The following USP15 variants were observed in gnomAD, a reference collection of about 807,000 sequenced individuals.
USP15 encodes ubiquitin carboxyl-terminal hydrolase 15.
In USP15, 18 loss-of-function variants were observed where a neutral mutation model predicts 127.1. The ratio of observed to expected loss-of-function variants is 0.14; its 90% CI spans 0.10 to 0.21. USP15 has a LOEUF of 0.21. Ranked by LOEUF, USP15 falls within the 10% of genes least tolerant of loss-of-function variation. The probability of loss-of-function intolerance (pLI) is 1.00; values close to 1 mark genes in which losing one functional copy is unlikely to be tolerated. For missense variants in USP15, 805 were observed against 1,159.9 expected (o/e 0.69, Z 4.44); for synonymous variants, 364 against 393.7 (o/e 0.92, Z 0.89).
chr12:62,261,390 T>A (rs1235009703), intron 1 of USP15, among the ~76,000 whole-genome samples: 2 of 152,204 alleles, frequency 1.3e-5, no homozygotes, highest in African/African-American at 4.8e-5. Context: ...TAATTTAAAA[T>A]TCCTTATTTT....
At chr12:62,401,298 GAGAACT>G in intron 21 of USP15, 23 bp downstream of exon 21, 1 of 1,565,502 alleles carries the variant, frequency 6.4e-7, no homozygotes, top group Non-Finnish European at 8.8e-7. Flanking sequence ...TATATTTCCT[GAGAACT>G]ATGGGATTCA....
intron 1 of USP15, among the ~76,000 whole-genome samples, chr12:62,271,551 G>T (rs1347276553): frequency 6.6e-6 from 1 of 151,762 alleles, no homozygotes; most frequent in Non-Finnish European, 1.5e-5. Context: ...ATTTTTCTTA[G>T]TTTTTTCTGT....
chr12:62,331,159 G>A (rs1167083477), intron 6 of USP15, among the ~76,000 whole-genome samples: 2 of 152,084 alleles, frequency 1.3e-5, no homozygotes, highest in Admixed American at 1.3e-4. Flanking sequence ...CACTAACCTG[G>A]AATTTGTCCA....
chr12:62,317,834 C>CTTCTGCCTTCAAATGTT (rs1278718099), intron 4 of USP15, among the ~76,000 whole-genome samples: 1 of 152,168 alleles, frequency 6.6e-6, no homozygotes, highest in Non-Finnish European at 1.5e-5. Context: ...GGGCCAAAAT[C>CTTCTGCCTTCAAATGTT]TTCTGCCTTC....
At chr12:62,321,946 T>C (rs1256137223) in intron 5 of USP15, among the ~76,000 whole-genome samples, 1 of 152,200 alleles carries the variant, frequency 6.6e-6, no homozygotes, top group Non-Finnish European at 1.5e-5. Context: ...ATTACAGTTC[T>C]CTGCAGGCCA....
At chr12:62,280,683 C>G (rs1371868762) in intron 1 of USP15, among the ~76,000 whole-genome samples, 1 of 152,102 alleles carries the variant, frequency 6.6e-6, no homozygotes, top group Non-Finnish European at 1.5e-5. Flanking sequence ...GGAGGAGACA[C>G]ACGCATTCAG....
chr12:62,282,177 A>C (rs1258978151), intron 1 of USP15, among the ~76,000 whole-genome samples: 1 of 152,110 alleles, frequency 6.6e-6, no homozygotes, highest in Non-Finnish European at 1.5e-5. Flanking sequence ...AAAATAAACA[A>C]AATTAGCTGA....
chr12:62,359,290 T>C (rs547553393), intron 8 of USP15, among the ~76,000 whole-genome samples: 1 of 150,184 alleles, frequency 6.7e-6, no homozygotes, highest in East Asian at 2.0e-4. Flanking sequence ...CAGATTAAGA[T>C]CACAGTTTAT....
intron 3 of USP15, chr12:62,314,195 A>C (rs1192160785): frequency 5.3e-6 from 1 of 190,148 alleles, no homozygotes. Flanking sequence ...GTAGGGTGAA[A>C]CTAACATATC....
chr12:62,287,928 A>G (rs1010477114), intron 1 of USP15, among the ~76,000 whole-genome samples: 1 of 152,058 alleles, frequency 6.6e-6, no homozygotes, highest in African/African-American at 2.4e-5. Flanking sequence ...TGGGCTCTCT[A>G]TTCTGTTCCA....
At chr12:62,272,430 T>G (rs1164692212) in intron 1 of USP15, among the ~76,000 whole-genome samples, 1 of 152,006 alleles carries the variant, frequency 6.6e-6, no homozygotes, top group Non-Finnish European at 1.5e-5. Flanking sequence ...ATCTGAAAAT[T>G]GTCAGCATAA....
intron 3 of USP15, among the ~76,000 whole-genome samples, chr12:62,306,280 ACT>A (rs2064481744): frequency 6.6e-6 from 1 of 152,196 alleles, no homozygotes; most frequent in Non-Finnish European, 1.5e-5. Context: ...GATAACTAAT[ACT>A]AATCATGGTA....
chr12:62,328,304 A>T (rs1431074686), intron 6 of USP15: 3 of 454,194 alleles, frequency 6.6e-6, no homozygotes, highest in Non-Finnish European at 1.3e-5. Flanking sequence ...TTTGTGGGCC[A>T]TATGGTCTCT....
chr12:62,320,811 G>A (rs1400143065), intron 4 of USP15, among the ~76,000 whole-genome samples: 2 of 151,820 alleles, frequency 1.3e-5, no homozygotes, highest in Admixed American at 1.3e-4. Context: ...AAAGTATTCT[G>A]TATTCATATA....
chr12:62,309,286 T>C (rs548234149), intron 3 of USP15, among the ~76,000 whole-genome samples: 1 of 152,234 alleles, frequency 6.6e-6, no homozygotes, highest in South Asian at 2.1e-4. Flanking sequence ...GAAAAGATTA[T>C]GTTTTGAACA....
intron 6 of USP15, chr12:62,327,605 G>A (rs1023809127): frequency 1.6e-5 from 7 of 428,166 alleles, no homozygotes; most frequent in South Asian, 3.3e-5. Flanking sequence ...TACTTAAAAT[G>A]ACTGATTTTT....
intron 3 of USP15, among the ~76,000 whole-genome samples, chr12:62,312,647 A>G (rs1026123878): frequency 2.0e-5 from 3 of 151,664 alleles, no homozygotes; most frequent in Admixed American, 1.3e-4. Context: ...CATTATAACT[A>G]TCATCTATAA....
intron 2 of USP15, among the ~76,000 whole-genome samples, chr12:62,298,402 C>T (rs1009091154): frequency 2.0e-5 from 3 of 152,172 alleles, no homozygotes; most frequent in African/African-American, 7.2e-5. Flanking sequence ...CGCGATGGCT[C>T]ACACCTGTAA....
intron 6 of USP15, among the ~76,000 whole-genome samples, chr12:62,348,828 G>A (rs1411381009): frequency 6.6e-6 from 1 of 152,034 alleles, no homozygotes; most frequent in Non-Finnish European, 1.5e-5. Flanking sequence ...CTGTGTCAGT[G>A]TTGTACATAA....
Sources: allele counts gnomAD v4.1 joint callset (sites outside exome capture counted in the v4.1 genomes callset), GRCh38; gene constraint gnomAD v4.1.1; transcripts MANE v1.5; gene names NCBI Gene and HGNC (gene_info 2026-07-23, HGNC 2026-07-21).